The following YIPF1 variants were observed in gnomAD, a reference collection of about 807,000 sequenced individuals.
YIPF1 encodes the protein Yip1 domain family member 1.
YIPF1 carries 22 observed loss-of-function variants against 37.0 expected under a neutral mutation model. That is an observed-to-expected ratio of 0.59 (90% CI 0.42 to 0.85). The LOEUF (loss-of-function observed/expected upper bound fraction) is 0.85. Ranked by LOEUF, YIPF1 falls within the 40% of genes least tolerant of loss-of-function variation. The pLI is 0.00. For missense variants in YIPF1, 355 were observed against 373.1 expected (o/e 0.95, Z 0.40); for synonymous variants, 128 against 131.9 (o/e 0.97, Z 0.21).
At chr1:53,871,166 A>C (rs1650182061) in intron 7 of YIPF1, among the ~76,000 whole-genome samples, 1 of 152,118 alleles carries the variant, frequency 6.6e-6, no homozygotes, top group Non-Finnish European at 1.5e-5. Flanking sequence ...TGTAATATAT[A>C]TTTTACCACT....
chr1:53,854,709 C>T (rs1649678457), intron 10 of YIPF1, among the ~76,000 whole-genome samples: 2 of 152,128 alleles, frequency 1.3e-5, no homozygotes, highest in African/African-American at 2.4e-5. Context: ...GACTGATCTC[C>T]GTTGTTCACC....
intron 2 of YIPF1, 109 bp from the exon 3 acceptor site, chr1:53,889,095 G>T (rs1444663074): frequency 1.8e-6 from 1 of 545,510 alleles, no homozygotes; most frequent in Non-Finnish European, 3.4e-6. Flanking sequence ...CTTTTCAGTG[G>T]GGTTTAATAG....
chr1:53,883,331 T>C (rs944772700), intron 3 of YIPF1, 55 bp from the exon 4 acceptor site: 4 of 1,451,792 alleles, frequency 2.8e-6, no homozygotes, highest in Non-Finnish European at 3.6e-6. Context: ...CTAGAAATGC[T>C]ATACTTTGAA....
At position 53,878,649 on chromosome 1, in the gene YIPF1, G is replaced by A; in HGVS notation, c.269C>T (p.Thr90Ile). The A allele has an allele frequency of 6.2e-7, 1 of 1,603,768 alleles. No individual in the cohort carries two copies. ...TGAAATTGGTTTCCAAACCTGGTAG[G>A]TGTCCACATCAAAGAATGTTTGGTA... ...EYYQTFFDVD[T>I]YQVFDRIKGS... Residue 90 changes from threonine (T) to isoleucine (I), a missense_variant, in exon 5 of 11, where the codon ACC becomes ATC. Physicochemically the swap from Thr to Ile is moderately conservative, Grantham distance 89. Coordinates refer to ENST00000072644, the MANE Select transcript of YIPF1 (RefSeq NM_018982.5).
chr1:53,854,304 G>T (rs35859571), intron 10 of YIPF1, among the ~76,000 whole-genome samples: 18,277 of 152,150 alleles, frequency 0.12, 1,204 homozygotes, highest in South Asian at 0.22. Context: ...TTAATGGGTG[G>T]CCAGAAGCGA....
intron 10 of YIPF1, among the ~76,000 whole-genome samples, chr1:53,858,935 C>T (rs1242461504): frequency 6.6e-6 from 1 of 152,198 alleles, no homozygotes; most frequent in Non-Finnish European, 1.5e-5. Flanking sequence ...CATAGCTGAC[C>T]TGGGATTTAA....
chr1:53,876,730 G>A (rs990681535), intron 6 of YIPF1, among the ~76,000 whole-genome samples: 1 of 152,136 alleles, frequency 6.6e-6, no homozygotes, highest in Non-Finnish European at 1.5e-5. Context: ...CTATAAAATG[G>A]GGATAATAAT....
chr1:53,878,836 G>C (rs1650405323), intron 4 of YIPF1, 114 bp from the exon 5 acceptor site: 2 of 897,622 alleles, frequency 2.2e-6, no homozygotes, highest in South Asian at 4.0e-5. Flanking sequence ...GAAACAATAG[G>C]CTCTTCCACA....
intron 6 of YIPF1, among the ~76,000 whole-genome samples, chr1:53,872,031 C>T (rs1218391601): frequency 7.0e-6 from 1 of 142,334 alleles, no homozygotes; most frequent in African/African-American, 2.6e-5. Context: ...TGTGTGTGTG[C>T]TTAAGGCTTT....
intron 3 of YIPF1, chr1:53,886,524 C>T (rs12085757): frequency 0.39 from 59,069 of 150,528 alleles, 12,060 homozygotes; most frequent in East Asian, 0.56. Context: ...CCAATACTAC[C>T]GTTCCTCCCC....
intron 6 of YIPF1, among the ~76,000 whole-genome samples, chr1:53,874,815 C>G (rs994323501): frequency 2.6e-5 from 4 of 152,018 alleles, no homozygotes; most frequent in Admixed American, 2.6e-4. Context: ...CATATCCTTC[C>G]ACAACATGCT....
chr1:53,885,426 T>C (rs1650619163), intron 3 of YIPF1, among the ~76,000 whole-genome samples: 1 of 152,154 alleles, frequency 6.6e-6, no homozygotes, highest in South Asian at 2.1e-4. Flanking sequence ...GAGAATCGCT[T>C]GAACCCAGGA....
At chr1:53,859,185 G>A (rs1037102082) in intron 10 of YIPF1, among the ~76,000 whole-genome samples, 2 of 152,186 alleles carry the variant, frequency 1.3e-5, no homozygotes, top group African/African-American at 2.4e-5. Context: ...ACCATGCCTT[G>A]TTCTTGTCGA....
intron 3 of YIPF1, among the ~76,000 whole-genome samples, chr1:53,883,892 C>T (rs907309297): frequency 1.4e-4 from 21 of 151,932 alleles, no homozygotes; most frequent in Non-Finnish European, 2.4e-4. Context: ...AAAAATTAGC[C>T]GGGTGTAGTG....
intron 6 of YIPF1, among the ~76,000 whole-genome samples, chr1:53,875,345 T>C (rs1461585319): frequency 6.6e-6 from 1 of 151,978 alleles, no homozygotes; most frequent in African/African-American, 2.4e-5. Flanking sequence ...TGAGACCCTG[T>C]CTCTACAAAA....
chr1:53,880,034 G>A (rs149640881), intron 4 of YIPF1, among the ~76,000 whole-genome samples: 8 of 152,172 alleles, frequency 5.3e-5, no homozygotes, highest in African/African-American at 1.9e-4. Context: ...AGAAGTTCTG[G>A]CCAGGGCAAT....
chr1:53,855,187 C>T (rs1246261155), intron 10 of YIPF1: 2 of 151,428 alleles, frequency 1.3e-5, no homozygotes, highest in Non-Finnish European at 2.9e-5. Flanking sequence ...AAAGGACTCT[C>T]CAGAAGCCCT....
intron 7 of YIPF1, among the ~76,000 whole-genome samples, chr1:53,870,703 G>A (rs1650164814): frequency 6.6e-6 from 1 of 152,000 alleles, no homozygotes; most frequent in South Asian, 2.1e-4. Context: ...TTGTACACTT[G>A]TCTTAGAATA....
chr1:53,869,160 T>TCACACACACA (rs55922911), intron 7 of YIPF1, among the ~76,000 whole-genome samples: 11 of 137,982 alleles, frequency 8.0e-5, no homozygotes, highest in African/African-American at 1.1e-4. Flanking sequence ...TCTCTCTCTC[T>TCACACACACA]CACACACACA....
Sources: gnomAD v4.1 joint callset for allele counts (sites outside exome capture counted in the v4.1 genomes callset) on GRCh38, gnomAD v4.1.1 for gene constraint, MANE v1.5 for transcripts, NCBI Gene and HGNC (gene_info 2026-07-23, HGNC 2026-07-21) for gene names.